Variants in XKR5 observed in about 807,000 individuals in gnomAD.
XKR5 encodes XK related 5.
In XKR5, 46 loss-of-function variants were observed where a neutral mutation model predicts 40.8. The ratio of observed to expected loss-of-function variants is 1.13; its 90% CI spans 0.89 to 1.44. XKR5 has a LOEUF of 1.44. Ranked by LOEUF, XKR5 falls within the 40% of genes most tolerant of loss-of-function variation. The pLI is 0.00. For missense variants in XKR5, 1,169 were observed against 844.7 expected (o/e 1.38, Z -4.76); for synonymous variants, 466 against 356.1 (o/e 1.31, Z -3.48).
chr8:6,816,523 C>G (rs1587163318), intron 5 of XKR5, among the ~76,000 whole-genome samples: 1 of 152,050 alleles, frequency 6.6e-6, no homozygotes, highest in African/African-American at 2.4e-5. Context: ...TCTGGGTCAG[C>G]TTATTAACTT....
intron 5 of XKR5, among the ~76,000 whole-genome samples, 153 bp downstream of exon 5, chr8:6,821,716 A>G (rs1470377371): frequency 3.3e-5 from 5 of 152,134 alleles, no homozygotes; most frequent in Non-Finnish European, 7.4e-5. Context: ...CAAGACTATC[A>G]TTTCTTTAAG....
At chr8:6,823,977 C>T (rs1030082528) in intron 3 of XKR5, among the ~76,000 whole-genome samples, 2 of 152,206 alleles carry the variant, frequency 1.3e-5, no homozygotes, top group Non-Finnish European at 2.9e-5. Context: ...GCTCAATGTA[C>T]TAAATGCTCT....
At chr8:6,831,258 A>G (rs768949988) in intron 2 of XKR5, among the ~76,000 whole-genome samples, 1 of 152,216 alleles carries the variant, frequency 6.6e-6, no homozygotes, top group Non-Finnish European at 1.5e-5. Context: ...GGCCCTCCGA[A>G]AGATCCTTCT....
rs1211997894 is a variant in XKR5 at position 6,809,496 on chromosome 8, C to T, written c.*1702G>A. The stretch of plus-strand genomic sequence containing the variant: ...TAGTGATGGGGTCTCACTACATTGC[C>T]CAGGCTGGTCTCGAACTTCTGGCCT... On this transcript the variant is annotated 3_prime_UTR_variant, in exon 7 of 7. Transcript: ENST00000618742. 3 of 152,216 alleles carry T rather than the reference C, an allele frequency of 2.0e-5. No homozygotes were observed. In the East Asian group the frequency reaches 5.8e-4, roughly 30 times the overall value. The allele number at this position is 152,216 out of a possible 1,614,324, so 9.4% of individuals were successfully genotyped here.
chr8:6,816,258 A>G (rs1803954120), intron 5 of XKR5, among the ~76,000 whole-genome samples: 1 of 152,180 alleles, frequency 6.6e-6, no homozygotes, highest in Non-Finnish European at 1.5e-5. Context: ...ATATTTCTCC[A>G]TCCTCACACT....
intron 1 of XKR5, among the ~76,000 whole-genome samples, chr8:6,835,128 C>T (rs1251085746): frequency 2.0e-5 from 3 of 151,346 alleles, no homozygotes; most frequent in African/African-American, 4.9e-5. Flanking sequence ...GGGGATCTTG[C>T]ATGCGTGGGG....
At chr8:6,827,678 A>C (rs1804574059) in intron 2 of XKR5, among the ~76,000 whole-genome samples, 1 of 152,192 alleles carries the variant, frequency 6.6e-6, no homozygotes, top group Non-Finnish European at 1.5e-5. Flanking sequence ...TTTCACTCTC[A>C]AATCATTTGT....
rs757863554 is a variant in XKR5, at chr8:6,825,314, T to A, written c.278A>T (p.Glu93Val). 4.4e-6 allele frequency: 7 copies of A among 1,602,848 alleles called. No homozygotes were observed. The highest frequency in any genetic ancestry group is 6.0e-6 in the Non-Finnish European group (7 of 1,175,780). ...CCAGCCTCGGTGGGGAGCCTCCAGTTCCTTCTGCAGACTGGTCAGTGCAGC... is the reference window on the plus strand; with the variant it reads ...CCAGCCTCGGTGGGGAGCCTCCAGTACCTTCTGCAGACTGGTCAGTGCAGC... Reference protein sequence around the residue: ...WDAALTSLQKELEAPHRGWLQ... With the variant: ...WDAALTSLQKVLEAPHRGWLQ... Residue 93 changes from glutamate (E) to valine (V), a missense_variant, in exon 3 of 7, where the codon GAA (glutamate) becomes GTA (valine). Coordinates refer to ENST00000618742, the MANE Select transcript of XKR5 (RefSeq NM_207411.5).
Position 6,825,349 on chromosome 8 carries a change from C to G in XKR5, c.243G>C (p.Arg81=), listed in dbSNP as rs772916446. The stretch of plus-strand genomic sequence containing the variant: ...GACTGGTCAGTGCAGCGTCCCAGTG[C>G]CTAGGGAACAGCAGAGGGCACGTGA... ...LHLLQLGVWK[R]HWDAALTSLQ... is the part of the protein sequence containing the mutation. Residue 81 remains arginine (R), a splice_region_variant and synonymous_variant, in exon 3 of 7, where the codon CGG becomes CGC. Transcript: ENST00000618742. 2 of 1,547,090 alleles carry G rather than the reference C, an allele frequency of 1.3e-6. No homozygotes were observed. The highest frequency in any genetic ancestry group is 1.7e-6 in the Non-Finnish European group (2 of 1,152,126).
chr8:6,827,446 T>C (rs576477509), intron 2 of XKR5, among the ~76,000 whole-genome samples: 2 of 152,202 alleles, frequency 1.3e-5, no homozygotes, highest in Non-Finnish European at 2.9e-5. Flanking sequence ...AACATTTCTA[T>C]GTCCAGAGCA....
intron 4 of XKR5, 45 bp from the exon 5 acceptor site, chr8:6,822,083 TG>T: frequency 1.3e-6 from 2 of 1,550,742 alleles, no homozygotes. Context: ...TGCAAGGAGA[TG>T]GGGGGACAGG....
intron 2 of XKR5, among the ~76,000 whole-genome samples, chr8:6,831,737 C>G (rs1014314766): frequency 2.6e-5 from 4 of 152,110 alleles, no homozygotes; most frequent in African/African-American, 9.7e-5. Context: ...ATCCTGTGGC[C>G]AGGTGCAGTG....
At chr8:6,827,412 C>G (rs1274190062) in intron 2 of XKR5, among the ~76,000 whole-genome samples, 1 of 152,186 alleles carries the variant, frequency 6.6e-6, no homozygotes, top group Non-Finnish European at 1.5e-5. Context: ...TGGCAGGTGA[C>G]AAGCTGGACC....
chr8:6,816,683 T>A (rs1201031563), intron 5 of XKR5, among the ~76,000 whole-genome samples: 1 of 111,348 alleles, frequency 9.0e-6, no homozygotes, highest in South Asian at 3.3e-4. Context: ...AATTATTTAA[T>A]TTAATTAAAA....
chr8:6,832,313 G>A (rs908336109), intron 2 of XKR5, among the ~76,000 whole-genome samples: 1 of 152,196 alleles, frequency 6.6e-6, no homozygotes, highest in Non-Finnish European at 1.5e-5. Context: ...TCAACAGGCT[G>A]GCTTCATTGT....
At chr8:6,819,745 G>T (rs1257284224) in intron 5 of XKR5, among the ~76,000 whole-genome samples, 1 of 152,054 alleles carries the variant, frequency 6.6e-6, no homozygotes, top group African/African-American at 2.4e-5. Context: ...AGTTTAATAG[G>T]TTATCCTCGG....
At chr8:6,815,381 A>C (rs1278394069) in intron 6 of XKR5, among the ~76,000 whole-genome samples, 2 of 151,868 alleles carry the variant, frequency 1.3e-5, no homozygotes, top group Non-Finnish European at 2.9e-5. Context: ...CGGGGACTCA[A>C]CCTCCTCTGT....
intron 5 of XKR5, among the ~76,000 whole-genome samples, chr8:6,818,073 C>G (rs1415285833): frequency 6.6e-6 from 1 of 152,214 alleles, no homozygotes; most frequent in African/African-American, 2.4e-5. Flanking sequence ...AAGGTGGGTT[C>G]AGTTCATGCA....
At chr8:6,834,341 C>T (rs141001965) in intron 1 of XKR5, among the ~76,000 whole-genome samples, 4,035 of 152,348 alleles carry the variant, frequency 0.026, 187 homozygotes, top group African/African-American at 0.09. Flanking sequence ...GGGGTCCGGG[C>T]TCAGGCAGCC....
Sources: gnomAD v4.1 joint callset for allele counts (sites outside exome capture counted in the v4.1 genomes callset) on GRCh38, gnomAD v4.1.1 for gene constraint, MANE v1.5 for transcripts, NCBI Gene and HGNC (gene_info 2026-07-23, HGNC 2026-07-21) for gene names.